The following SPIDR variants were observed in gnomAD, a reference collection of about 807,000 sequenced individuals.
SPIDR encodes DNA repair-scaffolding protein.
A neutral mutation model predicts 104.6 loss-of-function variants in SPIDR; 93 were observed. The ratio of observed to expected loss-of-function variants is 0.89; its 90% CI spans 0.75 to 1.06. The LOEUF (loss-of-function observed/expected upper bound fraction) is 1.06, where lower values mean the gene tolerates loss of function less well. Ranked by LOEUF, SPIDR falls within the 50% of genes least tolerant of loss-of-function variation. The pLI is 0.00. For synonymous variants in SPIDR, 431 were observed against 416.9 expected (o/e 1.03, Z -0.41); for missense variants, 1,154 against 1,111.2 (o/e 1.04, Z -0.55).
At chr8:47,665,197 C>T (rs2154465431) in intron 10 of SPIDR, among the ~76,000 whole-genome samples, 1 of 152,240 alleles carries the variant, frequency 6.6e-6, no homozygotes, top group Non-Finnish European at 1.5e-5. Context: ...ACAAAGGAAA[C>T]ATGACTCATC....
At chr8:47,417,171 T>A (rs546761699) in intron 7 of SPIDR, among the ~76,000 whole-genome samples, 1 of 152,212 alleles carries the variant, frequency 6.6e-6, no homozygotes, top group Non-Finnish European at 1.5e-5. Flanking sequence ...CAAATGGTAT[T>A]TCTAGTTCTA....
chr8:47,712,729 CGAA>C lies in SPIDR; in HGVS notation c.2047_2049del (p.Lys683del), dbSNP rs763516321. 50 of 1,614,142 alleles carry C rather than the reference CGAA, an allele frequency of 3.1e-5. No individual in the cohort carries two copies. Among genetic ancestry groups the C allele is most frequent in the East Asian group, 1.8e-4 (8 of 44,882 alleles). ...CTAGTGACCGATGTCACTCTGCAAA[CGAA>C]GGAGGAGAGAGACCCCAGGCTCCCC... On this transcript the variant is annotated inframe_deletion, in exon 15 of 20. Transcript: ENST00000297423.
chr8:47,687,278 T>C (rs1433642941), intron 11 of SPIDR, among the ~76,000 whole-genome samples: 1 of 152,116 alleles, frequency 6.6e-6, no homozygotes, highest in Admixed American at 6.6e-5. Flanking sequence ...ATAACAACAA[T>C]TTAATAATCT....
intron 5 of SPIDR, among the ~76,000 whole-genome samples, chr8:47,343,674 C>T (rs1397295535): frequency 2.0e-5 from 3 of 152,170 alleles, no homozygotes; most frequent in Non-Finnish European, 4.4e-5. Flanking sequence ...CTAGGGGCCA[C>T]AGAACTGATG....
At chr8:47,472,769 A>G (rs2075873453) in intron 8 of SPIDR, among the ~76,000 whole-genome samples, 1 of 152,232 alleles carries the variant, frequency 6.6e-6, no homozygotes, top group African/African-American at 2.4e-5. Flanking sequence ...CTAGCTTTGA[A>G]GCCCTGGTTA....
chr8:47,349,298 T>C (rs1351450057), intron 5 of SPIDR, among the ~76,000 whole-genome samples: 1 of 152,232 alleles, frequency 6.6e-6, no homozygotes, highest in African/African-American at 2.4e-5. Context: ...CAGCAAATAT[T>C]GCAGAACAGC....
chr8:47,312,400 A>C (rs1437662050), intron 5 of SPIDR, among the ~76,000 whole-genome samples: 1 of 152,146 alleles, frequency 6.6e-6, no homozygotes, highest in Non-Finnish European at 1.5e-5. Flanking sequence ...TGACTTTTTA[A>C]TGATCACCAT....
chr8:47,723,343 T>G (rs2083694210), intron 16 of SPIDR, among the ~76,000 whole-genome samples: 1 of 152,182 alleles, frequency 6.6e-6, no homozygotes, highest in Non-Finnish European at 1.5e-5. Context: ...CTTGTTTCTT[T>G]ATCTTCCACT....
At chr8:47,590,226 C>G (rs946922090) in intron 8 of SPIDR, among the ~76,000 whole-genome samples, 14 of 150,464 alleles carry the variant, frequency 9.3e-5, no homozygotes, top group Admixed American at 6.6e-4. Context: ...TTATTTTGCT[C>G]TACTTTTTTC....
intron 3 of SPIDR, among the ~76,000 whole-genome samples, chr8:47,286,424 A>G (rs964390848): frequency 2.2e-4 from 33 of 152,300 alleles, no homozygotes; most frequent in South Asian, 1.9e-3. Context: ...AATTACATAT[A>G]TAAGTCTGAT....
chr8:47,663,196 C>G (rs76449456), intron 10 of SPIDR, among the ~76,000 whole-genome samples: 1 of 152,190 alleles, frequency 6.6e-6, no homozygotes, highest in Non-Finnish European at 1.5e-5. Context: ...TCTTTAGGCT[C>G]GGCCTAAAGG....
intron 8 of SPIDR, among the ~76,000 whole-genome samples, chr8:47,552,776 G>A (rs1199025297): frequency 6.6e-6 from 1 of 152,120 alleles, no homozygotes; most frequent in Non-Finnish European, 1.5e-5. Context: ...GGTTAATATT[G>A]TTATGTATGA....
intron 10 of SPIDR, among the ~76,000 whole-genome samples, chr8:47,652,963 C>T (rs1282969085): frequency 6.6e-6 from 1 of 152,160 alleles, no homozygotes; most frequent in East Asian, 1.9e-4. Context: ...TAGCAGTTTA[C>T]CCCCACCTCA....
chr8:47,593,986 G>A (rs904820690), intron 8 of SPIDR, among the ~76,000 whole-genome samples: 2 of 152,004 alleles, frequency 1.3e-5, no homozygotes, highest in Non-Finnish European at 2.9e-5. Flanking sequence ...GGTTACTACT[G>A]TCAGGAGGAG....
At chr8:47,616,114 G>A (rs186964888) in intron 10 of SPIDR, among the ~76,000 whole-genome samples, 18 of 152,232 alleles carry the variant, frequency 1.2e-4, no homozygotes, top group African/African-American at 4.3e-4. Context: ...TTGTCATCGC[G>A]AGTAAAGACA....
intron 5 of SPIDR, among the ~76,000 whole-genome samples, chr8:47,322,323 A>G (rs2046810218): frequency 3.3e-5 from 5 of 152,246 alleles, no homozygotes; most frequent in Admixed American, 3.3e-4. Flanking sequence ...TGCAGCCAAA[A>G]GACACTTGAA....
chr8:47,497,171 C>A lies in SPIDR; in HGVS notation c.1097+56629C>A, dbSNP rs182018586. On this transcript the variant is annotated intron_variant, in intron 8 of 19. Transcript: ENST00000297423. Reference sequence around the variant, plus strand: ...TTTTCAAACAACCATCTTTTGGTTTCATTGGTTTCCTTTATTGTTTTCTAT... The same window carrying A: ...TTTTCAAACAACCATCTTTTGGTTTAATTGGTTTCCTTTATTGTTTTCTAT... Among the ~76,000 whole-genome samples, 6 of 152,110 alleles carry A rather than the reference C, an allele frequency of 3.9e-5. No individual in the cohort carries two copies. In the East Asian group the frequency reaches 1.2e-3, roughly 29 times the overall value.
intron 5 of SPIDR, among the ~76,000 whole-genome samples, chr8:47,379,245 A>G (rs570731044): frequency 8.9e-4 from 136 of 152,318 alleles, no homozygotes; most frequent in African/African-American, 3.2e-3. Flanking sequence ...CCTATATTCA[A>G]CATATAATAA....
intron 14 of SPIDR, among the ~76,000 whole-genome samples, chr8:47,709,163 T>A (rs1408443419): frequency 2.0e-5 from 3 of 151,868 alleles, no homozygotes; most frequent in Non-Finnish European, 1.5e-5. Context: ...GTTTTTGAGA[T>A]GGAGTCTCTC....
Sources: gnomAD v4.1 joint callset for allele counts (sites outside exome capture counted in the v4.1 genomes callset) on GRCh38, gnomAD v4.1.1 for gene constraint, MANE v1.5 for transcripts, NCBI Gene and HGNC (gene_info 2026-07-23, HGNC 2026-07-21) for gene names.